MPP3: variants seen among roughly 807,000 people sequenced by gnomAD.
MPP3 encodes MAGUK p55 scaffold protein 3.
Under a neutral mutation model 80.7 loss-of-function variants are expected in MPP3, and 48 were observed. The ratio of observed to expected loss-of-function variants is 0.59; its 90% CI spans 0.47 to 0.76. The LOEUF is 0.76. Ranked by LOEUF, MPP3 falls within the 30% of genes least tolerant of loss-of-function variation. The pLI is 0.00. For missense variants in MPP3, 620 were observed against 763.0 expected (o/e 0.81, Z 2.21); for synonymous variants, 311 against 297.6 (o/e 1.04, Z -0.46).
chr17:43,821,026 AG>A lies in MPP3; in HGVS notation c.716del (p.Pro239LeufsTer25). 1 of 1,613,948 alleles carries A rather than the reference AG, an allele frequency of 6.2e-7. No homozygotes were observed. The highest frequency in any genetic ancestry group is 8.5e-7 in the Non-Finnish European group (1 of 1,179,912). On this transcript the variant is annotated frameshift_variant, in exon 11 of 20. Coordinates refer to ENST00000398389, the MANE Select transcript of MPP3 (RefSeq NM_001932.6). LOFTEE classifies it high-confidence loss of function. ...GGCAAGGGATGGCCCGGTCCTCCCG[AG>A]GGTTGTAGTGGAAGAGGGCGCGCAT... is the stretch of plus-strand genomic sequence containing the variant. The part of the protein sequence containing the change: ...VFMRALFHYN[P>X]REDRAIPCQE...
chr17:43,817,320 C>G (rs974170536), intron 12 of MPP3, among the ~76,000 whole-genome samples: 15 of 152,152 alleles, frequency 9.9e-5, no homozygotes, highest in African/African-American at 3.4e-4. Flanking sequence ...CCTACATATT[C>G]CCAGCTTAGA....
intron 19 of MPP3, among the ~76,000 whole-genome samples, chr17:43,802,154 G>A (rs999439605): frequency 6.6e-6 from 1 of 152,208 alleles, no homozygotes; most frequent in African/African-American, 2.4e-5. Flanking sequence ...ACGATAGGAA[G>A]TGCATTGGGG....
chr17:43,810,783 T>C (rs1265873133), intron 18 of MPP3, 24 bp downstream of exon 18: 4 of 1,503,740 alleles, frequency 2.7e-6, no homozygotes, highest in South Asian at 1.2e-5. Flanking sequence ...TAACCAGAAA[T>C]GGCCAGCAGG....
chr17:43,818,933 CAAA>C (rs60979702), intron 11 of MPP3: 4 of 121,094 alleles, frequency 3.3e-5, no homozygotes, highest in Admixed American at 1.7e-4. Flanking sequence ...AACCATGTCT[CAAA>C]AAAAAAAAAA....
intron 5 of MPP3, among the ~76,000 whole-genome samples, chr17:43,830,846 C>G (rs1266996387): frequency 6.6e-6 from 1 of 152,176 alleles, no homozygotes; most frequent in African/African-American, 2.4e-5. Context: ...AGCCAGTATG[C>G]GGGGACACAC....
chr17:43,830,080 C>A lies in MPP3; in HGVS notation c.250G>T (p.Val84Leu). 1 of 1,556,352 alleles carries A rather than the reference C, an allele frequency of 6.4e-7. No homozygotes were observed. The highest frequency in any genetic ancestry group is 8.7e-7 in the Non-Finnish European group (1 of 1,153,062). ...DVMEELQAAS[V>L]HSDERELLQL... is the part of the protein sequence containing the mutation. ...AGCAGCTCCCTCTCATCACTGTGCACGGAGGCGGCCTGCAACTCCTCCATC... is the reference window on the plus strand; with the variant it reads ...AGCAGCTCCCTCTCATCACTGTGCAAGGAGGCGGCCTGCAACTCCTCCATC... The change falls in exon 6 of 20, where the codon GTG becomes TTG. Residue 84 changes from valine to leucine, a missense_variant. Coordinates refer to ENST00000398389, the MANE Select transcript of MPP3 (RefSeq NM_001932.6).
intron 10 of MPP3, 81 bp from the exon 11 acceptor site, chr17:43,821,139 C>T: frequency 7.3e-7 from 1 of 1,372,160 alleles, no homozygotes; most frequent in Non-Finnish European, 1.0e-6. Context: ...GGCCACATGA[C>T]AACGACCATC....
chr17:43,824,695 C>CA (rs1231040107), intron 9 of MPP3, among the ~76,000 whole-genome samples: 1 of 152,174 alleles, frequency 6.6e-6, no homozygotes, highest in Non-Finnish European at 1.5e-5. Flanking sequence ...CCCAAAGCCA[C>CA]AAAAAAGCAA....
At chr17:43,804,216 G>T (rs1480538581) in intron 19 of MPP3, among the ~76,000 whole-genome samples, 1 of 152,138 alleles carries the variant, frequency 6.6e-6, no homozygotes, top group Non-Finnish European at 1.5e-5. Flanking sequence ...TGGGCAGATT[G>T]ATCCTAAAAT....
intron 13 of MPP3, among the ~76,000 whole-genome samples, chr17:43,816,417 C>T (rs1223410558): frequency 6.6e-6 from 1 of 152,206 alleles, no homozygotes; most frequent in Non-Finnish European, 1.5e-5. Flanking sequence ...AGCCCCATCA[C>T]AGCGTAGCCG....
Position 43,820,899 on chromosome 17 carries a change from G to C in MPP3, c.844C>G (p.Arg282Gly). The change falls in exon 11 of 20, where the codon CGA becomes GGA. Residue 282 changes from arginine to glycine, a missense_variant. Physicochemically the swap from Arg to Gly is moderately radical, Grantham distance 125 (BLOSUM62 -2). Transcript: ENST00000398389. ...CCCTTGGAGGGGATGAGGCCGGCTC[G>C]AAGGTTGGTGTCCCCGACTCGCTTG... ...QAKRVGDTNLRAGLIPSKGFQ... is the reference protein window; with the variant it reads ...QAKRVGDTNLGAGLIPSKGFQ... 1 of 1,614,154 alleles carries C rather than the reference G, an allele frequency of 6.2e-7. No homozygotes were observed. Among genetic ancestry groups the C allele is most frequent in the Non-Finnish European group, 8.5e-7 (1 of 1,180,004 alleles).
intron 19 of MPP3, among the ~76,000 whole-genome samples, chr17:43,805,961 T>C (rs1401329299): frequency 6.6e-6 from 1 of 152,248 alleles, no homozygotes; most frequent in African/African-American, 2.4e-5. Context: ...AGTAAAGCTG[T>C]TAACTCCCCC....
At position 43,824,837 on chromosome 17, in the gene MPP3, C is replaced by T. The variant is rs1246232336; in HGVS notation, c.610-832G>A. On this transcript the variant is annotated intron_variant, in intron 9 of 19. Coordinates refer to ENST00000398389, the MANE Select transcript of MPP3 (RefSeq NM_001932.6). ...TTGCCCAGGCTGGAGTGCAGTGGCACGATCTCGACTCCCTGCAACCTCCAC... is the reference window on the plus strand; with the variant it reads ...TTGCCCAGGCTGGAGTGCAGTGGCATGATCTCGACTCCCTGCAACCTCCAC... Among the ~76,000 whole-genome samples, 4 of 152,114 alleles carry T rather than the reference C, an allele frequency of 2.6e-5. No homozygotes were observed. In the East Asian group the frequency reaches 7.7e-4, roughly 29 times the overall value.
At chr17:43,815,957 C>T (rs1172999037) in intron 14 of MPP3, 81 bp downstream of exon 14, 1 of 1,281,712 alleles carries the variant, frequency 7.8e-7, no homozygotes, top group African/African-American at 1.6e-5. Flanking sequence ...GGGCTCAGAT[C>T]ACCCTGCTTT....
chr17:43,817,103 G>A (rs2045181735), intron 12 of MPP3, among the ~76,000 whole-genome samples: 1 of 152,210 alleles, frequency 6.6e-6, no homozygotes. Flanking sequence ...CCTGAGGATG[G>A]AGCGGGGTGG....
At position 43,817,935 on chromosome 17, in the gene MPP3, C is replaced by A; in HGVS notation, c.946+111G>T. Reference sequence around the variant, plus strand: ...TTCCTCTGGAGTCCATGAGCTCAGACAAGACCCCTGATGCCCCCTCCAGCC... The same window carrying A: ...TTCCTCTGGAGTCCATGAGCTCAGAAAAGACCCCTGATGCCCCCTCCAGCC... On this transcript the variant is annotated intron_variant, in intron 12 of 19. Transcript: ENST00000398389. The A allele has an allele frequency of 5.1e-6, 4 of 789,720 alleles. No individual in the cohort carries two copies. The South Asian group carries it at 5.3e-5, about 10-fold the overall frequency. The allele number at this position is 789,720 out of a possible 1,614,324, so 48.9% of individuals were successfully genotyped here.
intron 12 of MPP3, chr17:43,817,808 G>C: frequency 2.1e-6 from 1 of 480,552 alleles, no homozygotes; most frequent in South Asian, 3.3e-5. Flanking sequence ...CACATTTTGG[G>C]AAAGCTGTTA....
chr17:43,824,098 G>A, intron 9 of MPP3, 93 bp from the exon 10 acceptor site: 2 of 903,846 alleles, frequency 2.2e-6, no homozygotes, highest in Non-Finnish European at 3.4e-6. Context: ...CTGATGTTCA[G>A]AAAGTCAGAC....
At chr17:43,808,245 T>C (rs1041690095) in intron 19 of MPP3, among the ~76,000 whole-genome samples, 4 of 152,150 alleles carry the variant, frequency 2.6e-5, no homozygotes, top group Non-Finnish European at 4.4e-5. Flanking sequence ...ACCAGCTATA[T>C]AGGACAGCAA....
Sources: allele counts gnomAD v4.1 joint callset (sites outside exome capture counted in the v4.1 genomes callset), GRCh38; gene constraint gnomAD v4.1.1; transcripts MANE v1.5; gene names NCBI Gene and HGNC (gene_info 2026-07-23, HGNC 2026-07-21).